The following HPSE2 variants were observed in gnomAD, a reference collection of about 807,000 sequenced individuals.
The protein encoded by HPSE2 is inactive heparanase-2.
Under a neutral mutation model 60.5 loss-of-function variants are expected in HPSE2, and 38 were observed. The observed-to-expected ratio is 0.63, with a 90% confidence interval of 0.48 to 0.82. The LOEUF is 0.82. Ranked by LOEUF, HPSE2 falls within the 40% of genes least tolerant of loss-of-function variation. The pLI, the probability that HPSE2 is intolerant of heterozygous loss-of-function variation, is 0.00. For missense variants in HPSE2, 713 were observed against 740.4 expected (o/e 0.96, Z 0.43); for synonymous variants, 295 against 293.2 (o/e 1.01, Z -0.06).
chr10:98,511,581 TG>T, intron 9 of HPSE2, among the ~76,000 whole-genome samples: 1 of 150,914 alleles, frequency 6.6e-6, no homozygotes. Context: ...TGTGTGTGTG[TG>T]TGTGTGTGTG....
At chr10:98,779,263 TA>T (rs1328000533) in intron 3 of HPSE2, among the ~76,000 whole-genome samples, 2 of 152,108 alleles carry the variant, frequency 1.3e-5, no homozygotes, top group African/African-American at 4.8e-5. Context: ...CCAATATAAC[TA>T]ATAAAATAAT....
At chr10:98,926,064 T>C (rs1400005338) in intron 3 of HPSE2, among the ~76,000 whole-genome samples, 1 of 152,082 alleles carries the variant, frequency 6.6e-6, no homozygotes, top group Non-Finnish European at 1.5e-5. Flanking sequence ...TTTTTGGCAG[T>C]AGAAGTAGGT....
At chr10:99,226,305 T>G (rs1033929167) in intron 2 of HPSE2, among the ~76,000 whole-genome samples, 3 of 152,068 alleles carry the variant, frequency 2.0e-5, no homozygotes, top group African/African-American at 7.2e-5. Flanking sequence ...ATATTCCACT[T>G]AGCACTTCAT....
intron 3 of HPSE2, among the ~76,000 whole-genome samples, chr10:98,863,472 C>A (rs1952509110): frequency 6.6e-6 from 1 of 152,106 alleles, no homozygotes; most frequent in African/African-American, 2.4e-5. Context: ...CTGTGAACTA[C>A]CCACATGTAC....
At chr10:99,036,045 T>G (rs867101314) in intron 3 of HPSE2, among the ~76,000 whole-genome samples, 1 of 151,804 alleles carries the variant, frequency 6.6e-6, no homozygotes, top group Non-Finnish European at 1.5e-5. Flanking sequence ...ACCCTGTTCC[T>G]ACAAAAAAAA....
intron 3 of HPSE2, among the ~76,000 whole-genome samples, chr10:99,024,193 C>T (rs142379763): frequency 6.6e-6 from 1 of 151,952 alleles, no homozygotes; most frequent in Non-Finnish European, 1.5e-5. Flanking sequence ...CTGAAAAATG[C>T]AATTGGTATA....
chr10:98,925,559 G>A (rs146901884), intron 3 of HPSE2, among the ~76,000 whole-genome samples: 3 of 152,232 alleles, frequency 2.0e-5, no homozygotes, highest in African/African-American at 7.2e-5. Flanking sequence ...GTGGGAGGGT[G>A]TTCCCTCAAT....
intron 3 of HPSE2, among the ~76,000 whole-genome samples, chr10:98,860,741 T>C (rs1423513883): frequency 1.3e-5 from 2 of 152,172 alleles, no homozygotes; most frequent in Non-Finnish European, 2.9e-5. Context: ...CTTTCAACTT[T>C]TAAGGCCTAA....
intron 11 of HPSE2, among the ~76,000 whole-genome samples, chr10:98,470,413 G>A (rs1468456755): frequency 6.6e-6 from 1 of 152,142 alleles, no homozygotes; most frequent in African/African-American, 2.4e-5. Flanking sequence ...TTGGCAGTGG[G>A]TCCACAGTTT....
rs1297591122 is a variant in HPSE2, at chr10:98,936,992, A to C, written c.611-192936T>G. 7.1e-5 allele frequency among the ~76,000 whole-genome samples: 10 copies of C among 140,794 alleles called. 1 individual carries two copies. Among genetic ancestry groups the C allele is most frequent in the African/African-American group, 2.1e-4 (7 of 33,752 alleles). 92.4% of individuals were successfully genotyped at this position (140,794 alleles called of 152,430 possible). The stretch of plus-strand genomic sequence containing the variant: ...AGACTCCATCTCAAAAAAAAAAAAA[A>C]AAAAAAAAAAAAACAAGTTTTCCAA... On this transcript the variant is annotated intron_variant, in intron 3 of 11. Transcript: ENST00000370552.
intron 3 of HPSE2, among the ~76,000 whole-genome samples, chr10:99,117,512 C>T (rs749305892): frequency 3.6e-5 from 5 of 138,998 alleles, no homozygotes; most frequent in African/African-American, 1.1e-4. Flanking sequence ...AAATAAACAT[C>T]GTCAGAAACA....
At chr10:99,095,537 A>G (rs1843691031) in intron 3 of HPSE2, among the ~76,000 whole-genome samples, 1 of 152,216 alleles carries the variant, frequency 6.6e-6, no homozygotes, top group Admixed American at 6.5e-5. Context: ...AAACGCTATT[A>G]GCAGGCACTC....
At chr10:99,082,438 T>A (rs1042629433) in intron 3 of HPSE2, among the ~76,000 whole-genome samples, 2 of 152,166 alleles carry the variant, frequency 1.3e-5, no homozygotes, top group African/African-American at 4.8e-5. Context: ...CAGTTAAGCT[T>A]CTGAACGTTG....
intron 6 of HPSE2, among the ~76,000 whole-genome samples, chr10:98,676,169 T>A (rs1265556266): frequency 2.6e-5 from 4 of 152,190 alleles, no homozygotes; most frequent in Non-Finnish European, 5.9e-5. Context: ...ATGTATGCGA[T>A]GTGCTTGGGA....
intron 7 of HPSE2, among the ~76,000 whole-genome samples, chr10:98,627,281 G>A (rs1303505264): frequency 6.6e-6 from 1 of 152,018 alleles, no homozygotes; most frequent in East Asian, 1.9e-4. Flanking sequence ...AGACCAGCCT[G>A]GGCAACACAG....
At chr10:99,061,792 C>T (rs561966885) in intron 3 of HPSE2, among the ~76,000 whole-genome samples, 10 of 152,292 alleles carry the variant, frequency 6.6e-5, no homozygotes, top group Middle Eastern at 3.4e-3. Flanking sequence ...TCTGCAAATA[C>T]ATTTGTTGTG....
At chr10:99,310,102 T>G in the HPSE2 span, among the ~76,000 whole-genome samples, 1 of 152,234 alleles carries the variant, frequency 6.6e-6, no homozygotes, top group Non-Finnish European at 1.5e-5. Context: ...TGCCTTCTGC[T>G]CTGCGTATTT....
At chr10:99,106,232 A>G (rs1321024168) in intron 3 of HPSE2, among the ~76,000 whole-genome samples, 1 of 138,792 alleles carries the variant, frequency 7.2e-6, no homozygotes, top group African/African-American at 2.5e-5. Flanking sequence ...GAGTTCTCCA[A>G]TCCATGATCA....
chr10:99,270,386 T>C, the HPSE2 span, among the ~76,000 whole-genome samples: 1 of 152,216 alleles, frequency 6.6e-6, no homozygotes, highest in South Asian at 2.1e-4. Context: ...CTAGAAAACC[T>C]AGAGGAGATG....
Sources: gnomAD v4.1 joint callset for allele counts (sites outside exome capture counted in the v4.1 genomes callset) on GRCh38, gnomAD v4.1.1 for gene constraint, MANE v1.5 for transcripts, NCBI Gene and HGNC (gene_info 2026-07-23, HGNC 2026-07-21) for gene names.